The following FUT9 variants were observed in gnomAD, a reference collection of about 807,000 sequenced individuals.
FUT9 encodes the protein 4-galactosyl-N-acetylglucosaminide 3-alpha-L-fucosyltransferase 9.
In FUT9, 15 loss-of-function variants were observed where a neutral mutation model predicts 29.7. The observed-to-expected ratio is 0.51, with a 90% CI of 0.34 to 0.78. The LOEUF is 0.78. Among genes scored for constraint, FUT9 ranks in the 30% least tolerant of loss-of-function variants. The pLI, the probability that FUT9 is intolerant of heterozygous loss-of-function variation, is 0.01. For missense variants in FUT9, 319 were observed against 425.4 expected, an observed-to-expected ratio of 0.75 and a Z score of 2.20; for synonymous variants, 169 against 153.7, an observed-to-expected ratio of 1.10 and a Z score of -0.74.
intron 1 of FUT9, among the ~76,000 whole-genome samples, chr6:96,092,698 C>A (rs1227743508): frequency 6.6e-6 from 1 of 152,106 alleles, no homozygotes; most frequent in Non-Finnish European, 1.5e-5. Context: ...ACTTATCTTT[C>A]AGCTCTCATC....
intron 2 of FUT9, among the ~76,000 whole-genome samples, chr6:96,138,351 C>T (rs960402779): frequency 6.6e-5 from 10 of 152,216 alleles, no homozygotes; most frequent in Admixed American, 3.9e-4. Flanking sequence ...CTTTTATGCA[C>T]TTCTATTTTT....
chr6:96,166,609 T>A (rs1276520454), intron 2 of FUT9, among the ~76,000 whole-genome samples: 2 of 152,136 alleles, frequency 1.3e-5, no homozygotes, highest in African/African-American at 4.8e-5. Context: ...TTTCCTATAC[T>A]TTTTTTAAAA....
At chr6:96,108,547 C>T (rs910052809) in intron 1 of FUT9, among the ~76,000 whole-genome samples, 5 of 152,050 alleles carry the variant, frequency 3.3e-5, no homozygotes, top group African/African-American at 4.8e-5. Flanking sequence ...TTATTATTAG[C>T]GTTAATGAGA....
chr6:96,079,579 T>A (rs1771201195), intron 1 of FUT9, among the ~76,000 whole-genome samples: 1 of 152,190 alleles, frequency 6.6e-6, no homozygotes, highest in African/African-American at 2.4e-5. Context: ...TAATGGAATA[T>A]TGTTTTATTA....
chr6:96,148,392 A>G (rs1041330255), intron 2 of FUT9, among the ~76,000 whole-genome samples: 5 of 152,190 alleles, frequency 3.3e-5, no homozygotes, highest in Non-Finnish European at 5.9e-5. Flanking sequence ...TTCTCCATTA[A>G]GGTGGATAAT....
At chr6:96,087,899 T>TA in intron 1 of FUT9, among the ~76,000 whole-genome samples, 1 of 152,188 alleles carries the variant, frequency 6.6e-6, no homozygotes, top group Non-Finnish European at 1.5e-5. Context: ...TCCTTTAACA[T>TA]ATCTGGTAAT....
chr6:96,152,409 T>A (rs1220832205), intron 2 of FUT9, among the ~76,000 whole-genome samples: 1 of 152,148 alleles, frequency 6.6e-6, no homozygotes, highest in Non-Finnish European at 1.5e-5. Flanking sequence ...TTCTAAGTGC[T>A]TATGTCACTG....
rs1773885321 is a variant in FUT9 at position 96,209,010 on chromosome 6, C to T, written c.*4775C>T. Reference sequence around the variant, plus strand: ...CTTTAGTAATTCATATTGAATATATCCATATTCATATGCATTTTATAAAAC... The same window carrying T: ...CTTTAGTAATTCATATTGAATATATTCATATTCATATGCATTTTATAAAAC... On this transcript the variant is annotated 3_prime_UTR_variant, in exon 3 of 3. Transcript: ENST00000302103. The T allele has an allele frequency of 1.2e-5, 2 of 166,372 alleles. No individual in the cohort carries two copies. The highest frequency in any genetic ancestry group is 1.3e-4 in the Admixed American group (2 of 15,180). 10.3% of individuals were successfully genotyped at this position (166,372 alleles called of 1,614,324 possible). A position where few individuals can be genotyped will look rare whatever the true frequency, so the allele number is the denominator to read the frequency against.
In FUT9 at chr6:96,209,306, T is replaced by C. The variant is rs1773890398; in HGVS notation, c.*5071T>C. The C allele has an allele frequency of 6.0e-6, 1 of 166,676 alleles. No individual in the cohort carries two copies. The highest frequency in any genetic ancestry group is 2.4e-5 in the African/African-American group (1 of 41,408). 10.3% of individuals were successfully genotyped at this position (166,676 alleles called of 1,614,324 possible). On this transcript the variant is annotated 3_prime_UTR_variant, in exon 3 of 3. Coordinates refer to ENST00000302103, the MANE Select transcript of FUT9 (RefSeq NM_006581.4). The stretch of plus-strand genomic sequence containing the variant: ...CATTTCTCTGTGTAGATATTTAAAG[T>C]ATGAAATTGATTATTTAAACTAATA...
intron 2 of FUT9, among the ~76,000 whole-genome samples, chr6:96,162,882 A>C (rs1445445763): frequency 2.6e-5 from 4 of 152,224 alleles, no homozygotes; most frequent in Non-Finnish European, 4.4e-5. Flanking sequence ...TGATTAGGTC[A>C]TTCAGGAAGG....
intron 2 of FUT9, among the ~76,000 whole-genome samples, chr6:96,141,516 G>A (rs1174427341): frequency 2.0e-5 from 3 of 152,164 alleles, no homozygotes; most frequent in Non-Finnish European, 2.9e-5. Flanking sequence ...AAAGTGGAGG[G>A]GTCCAGGGGG....
chr6:96,090,084 T>C (rs2127953531), intron 1 of FUT9, among the ~76,000 whole-genome samples: 1 of 152,140 alleles, frequency 6.6e-6, no homozygotes, highest in East Asian at 1.9e-4. Context: ...GTTTGAACAA[T>C]ACAAGTACCA....
chr6:96,167,908 A>G (rs1773043392), intron 2 of FUT9, among the ~76,000 whole-genome samples: 1 of 152,134 alleles, frequency 6.6e-6, no homozygotes. Flanking sequence ...CTGGGGGAAA[A>G]GAGAATGAAG....
At chr6:96,158,523 G>T (rs1278838882) in intron 2 of FUT9, among the ~76,000 whole-genome samples, 2 of 152,066 alleles carry the variant, frequency 1.3e-5, no homozygotes, top group Admixed American at 6.5e-5. Context: ...ACTTCTTTCA[G>T]ATGGAAACCG....
intron 2 of FUT9, among the ~76,000 whole-genome samples, chr6:96,186,576 T>G (rs575334609): frequency 6.6e-6 from 1 of 152,122 alleles, no homozygotes; most frequent in Non-Finnish European, 1.5e-5. Context: ...TAAAAGAAAT[T>G]TATCTGTATA....
At chr6:96,171,193 T>C (rs1463391177) in intron 2 of FUT9, among the ~76,000 whole-genome samples, 1 of 152,190 alleles carries the variant, frequency 6.6e-6, no homozygotes, top group Non-Finnish European at 1.5e-5. Context: ...CTGAGGAGGC[T>C]TCAGAGCTGT....
chr6:96,033,397 A>G (rs964165250), intron 1 of FUT9, among the ~76,000 whole-genome samples: 2 of 151,622 alleles, frequency 1.3e-5, no homozygotes, highest in East Asian at 3.9e-4. Flanking sequence ...CATTTTCATG[A>G]TTGATGAGAC....
At chr6:96,091,423 A>G (rs1771410008) in intron 1 of FUT9, among the ~76,000 whole-genome samples, 1 of 152,130 alleles carries the variant, frequency 6.6e-6, no homozygotes, top group Admixed American at 6.6e-5. Flanking sequence ...ATAACAACGC[A>G]TGAATCTTCA....
chr6:96,106,263 C>G lies in FUT9; in HGVS notation c.-97-7776C>G, dbSNP rs199870863. Among the ~76,000 whole-genome samples the G allele has an allele frequency of 3.4e-4, 45 of 132,350 alleles. No individual in the cohort carries two copies. In the East Asian group the frequency reaches 3.7e-3, roughly 11 times the overall value. 86.8% of individuals were successfully genotyped at this position (132,350 alleles called of 152,430 possible). On this transcript the variant is annotated intron_variant, in intron 1 of 2. Coordinates refer to ENST00000302103, the MANE Select transcript of FUT9 (RefSeq NM_006581.4). ...CCTTCCTTCATCTTCTTAATGCTTC[C>G]TCTATTTTTGTCAGAAGAATTGGGA...
Sources: gnomAD v4.1 joint callset for allele counts (sites outside exome capture counted in the v4.1 genomes callset) on GRCh38, gnomAD v4.1.1 for gene constraint, MANE v1.5 for transcripts, NCBI Gene and HGNC (gene_info 2026-07-23, HGNC 2026-07-21) for gene names.